PDE5A: variants seen among roughly 807,000 people sequenced by gnomAD.
PDE5A encodes the protein phosphodiesterase 5A.
A neutral mutation model predicts 110.2 loss-of-function variants in PDE5A; 67 were observed. That is an observed-to-expected ratio of 0.61 (90% CI 0.50 to 0.75). PDE5A has a LOEUF of 0.75. PDE5A is among the 30% of genes least tolerant of loss of function. The probability of loss-of-function intolerance (pLI) is 0.00; values close to 1 mark genes in which losing one functional copy is unlikely to be tolerated. For synonymous variants in PDE5A, 328 were observed against 351.2 expected (o/e 0.93, Z 0.74); for missense variants, 862 against 1,045.1 (o/e 0.82, Z 2.42).
chr4:119,563,335 C>T (rs1325407335), intron 5 of PDE5A, among the ~76,000 whole-genome samples: 2 of 152,190 alleles, frequency 1.3e-5, no homozygotes, highest in Admixed American at 6.5e-5. Flanking sequence ...CTATCTGGTA[C>T]ATAAAACGCA....
intron 13 of PDE5A, 57 bp downstream of exon 13, chr4:119,520,878 A>G: frequency 2.8e-6 from 4 of 1,420,306 alleles, no homozygotes; most frequent in Non-Finnish European, 3.8e-6. Flanking sequence ...AATATGCTAT[A>G]AATTTTACTA....
At chr4:119,595,373 G>A (rs1038080417) in intron 3 of PDE5A, among the ~76,000 whole-genome samples, 5 of 152,118 alleles carry the variant, frequency 3.3e-5, no homozygotes, top group African/African-American at 7.2e-5. Flanking sequence ...GTGAAACCTC[G>A]GCATTAGAAT....
At chr4:119,559,770 A>G (rs1354056451) in intron 7 of PDE5A, among the ~76,000 whole-genome samples, 1 of 152,220 alleles carries the variant, frequency 6.6e-6, no homozygotes, top group Non-Finnish European at 1.5e-5. Context: ...TCTTCAATGC[A>G]TGATCAGCAA....
chr4:119,544,337 G>A (rs1727056840), intron 9 of PDE5A, among the ~76,000 whole-genome samples: 1 of 152,118 alleles, frequency 6.6e-6, no homozygotes, highest in African/African-American at 2.4e-5. Context: ...ATAGTCAAGG[G>A]AAACTTTAGA....
chr4:119,571,327 G>A (rs191454798), intron 3 of PDE5A, among the ~76,000 whole-genome samples: 1 of 152,254 alleles, frequency 6.6e-6, no homozygotes, highest in East Asian at 1.9e-4. Flanking sequence ...ATGTGATAAA[G>A]TTAAAGATCT....
intron 2 of PDE5A, among the ~76,000 whole-genome samples, chr4:119,604,231 A>T (rs755964904): frequency 4.6e-5 from 7 of 152,358 alleles, no homozygotes; most frequent in Non-Finnish European, 1.0e-4. Context: ...CAATAGTACA[A>T]GAATTAAATC....
intron 1 of PDE5A, among the ~76,000 whole-genome samples, chr4:119,609,086 C>T (rs1729647107): frequency 6.6e-6 from 1 of 151,828 alleles, no homozygotes; most frequent in South Asian, 2.1e-4. Context: ...GGCCTGAACC[C>T]AGGAGGCTGA....
At chr4:119,516,195 A>G (rs372672193) in intron 14 of PDE5A, among the ~76,000 whole-genome samples, 19 of 152,310 alleles carry the variant, frequency 1.2e-4, no homozygotes, top group African/African-American at 4.1e-4. Flanking sequence ...TGTCTTGACC[A>G]GTTTTCTCTG....
rs964839703 is a variant in PDE5A at position 119,627,586 on chromosome 4, A to G, written c.152+934T>C. 1.3e-5 allele frequency: 2 copies of G among 152,536 alleles called. No individual in the cohort carries two copies. The highest frequency in any genetic ancestry group is 6.5e-5 in the Admixed American group (1 of 15,290). 9.4% of individuals were successfully genotyped at this position (152,536 alleles called of 1,614,324 possible). On this transcript the variant is annotated intron_variant, in intron 1 of 20. Coordinates refer to ENST00000354960, the MANE Select transcript of PDE5A (RefSeq NM_001083.4). The surrounding 1 kb of genome is among the most constrained non-coding windows in gnomAD (Gnocchi z 4.6). The stretch of plus-strand genomic sequence containing the variant: ...GTCCACGCACCCCGACTATGCATCA[A>G]TTCCTCAGGCTTCGGGGCACCCGCC...
intron 3 of PDE5A, among the ~76,000 whole-genome samples, 195 bp downstream of exon 3, chr4:119,596,328 T>C (rs1341718440): frequency 2.6e-5 from 4 of 151,982 alleles, no homozygotes; most frequent in South Asian, 2.1e-4. Flanking sequence ...TAAATGGGCA[T>C]AGTAAAGCAA....
intron 18 of PDE5A, among the ~76,000 whole-genome samples, chr4:119,503,355 A>G (rs1725436251): frequency 6.6e-6 from 1 of 152,150 alleles, no homozygotes; most frequent in Admixed American, 6.6e-5. Context: ...TGCCTCTGCA[A>G]AACATTATAG....
intron 1 of PDE5A, among the ~76,000 whole-genome samples, chr4:119,625,076 T>C (rs1007171764): frequency 6.7e-6 from 1 of 149,606 alleles, no homozygotes; most frequent in Non-Finnish European, 1.5e-5. Flanking sequence ...AGTGGAGCAA[T>C]CTTGGCTCAC....
intron 12 of PDE5A, among the ~76,000 whole-genome samples, chr4:119,521,575 G>A (rs1726129674): frequency 6.6e-6 from 1 of 151,804 alleles, no homozygotes; most frequent in African/African-American, 2.4e-5. Context: ...CTAGTAACAA[G>A]GTATATAGCA....
intron 14 of PDE5A, chr4:119,512,692 A>T (rs1725789707): frequency 6.6e-6 from 1 of 152,068 alleles, no homozygotes; most frequent in Non-Finnish European, 1.5e-5. Context: ...ATGAATGTTA[A>T]ACTTTCTGCC....
intron 10 of PDE5A, among the ~76,000 whole-genome samples, chr4:119,540,097 G>A (rs1023648970): frequency 1.3e-5 from 2 of 151,954 alleles, no homozygotes; most frequent in African/African-American, 4.8e-5. Context: ...TGTATTTAAA[G>A]TATCTATCAT....
At chr4:119,575,056 C>T (rs571993971) in intron 3 of PDE5A, among the ~76,000 whole-genome samples, 38 of 152,092 alleles carry the variant, frequency 2.5e-4, no homozygotes, top group Admixed American at 1.0e-3. Flanking sequence ...CCTCAGTAGC[C>T]GATTCGATCA....
At chr4:119,537,464 T>A (rs1726764698) in intron 11 of PDE5A, among the ~76,000 whole-genome samples, 1 of 151,938 alleles carries the variant, frequency 6.6e-6, no homozygotes, top group Admixed American at 6.6e-5. Context: ...TGAAACTACT[T>A]TATTTTGCCT....
chr4:119,606,850 A>G lies in PDE5A; in HGVS notation c.600T>C (p.Leu200=). 1 of 1,614,228 alleles carries G rather than the reference A, an allele frequency of 6.2e-7. No individual in the cohort carries two copies. Among genetic ancestry groups the G allele is most frequent in the South Asian group, 1.1e-5 (1 of 91,084 alleles). Residue 200 remains leucine (L), a synonymous_variant, in exon 2 of 21, where the codon CTT becomes CTC. Transcript: ENST00000354960. ...VCEDSSNDKF[L]ISRLFDVAEG... is the part of the protein sequence containing the mutation. ...CAGCAACATCAAAGAGGCGGCTGATAAGAAACTTGTCATTGGAGCTGTCTT... is the reference window on the plus strand; with the variant it reads ...CAGCAACATCAAAGAGGCGGCTGATGAGAAACTTGTCATTGGAGCTGTCTT...
chr4:119,517,199 T>C (rs902421822), intron 14 of PDE5A: 1 of 152,242 alleles, frequency 6.6e-6, no homozygotes, highest in Non-Finnish European at 1.5e-5. Flanking sequence ...TTTTTCTCTT[T>C]TTGATAAATT....
Sources: gnomAD v4.1 joint callset for allele counts (sites outside exome capture counted in the v4.1 genomes callset) on GRCh38, gnomAD v4.1.1 for gene constraint, Gnocchi (gnomAD v3.1) non-coding constraint, MANE v1.5 for transcripts, NCBI Gene and HGNC (gene_info 2026-07-23, HGNC 2026-07-21) for gene names.